The following CCDC60 variants were observed in gnomAD, a reference collection of about 807,000 sequenced individuals.
The protein encoded by CCDC60 is coiled-coil domain-containing protein 60.
CCDC60 carries 54 observed loss-of-function variants against 63.5 expected under a neutral mutation model. The ratio of observed to expected loss-of-function variants is 0.85; its 90% CI spans 0.68 to 1.07. CCDC60 has a LOEUF of 1.07. Among genes scored for constraint, CCDC60 ranks in the 50% least tolerant of loss-of-function variants. The pLI, the probability that CCDC60 is intolerant of heterozygous loss-of-function variation, is 0.00. For missense variants in CCDC60, 651 were observed against 684.3 expected (o/e 0.95, Z 0.54); for synonymous variants, 206 against 238.8 (o/e 0.86, Z 1.27).
At chr12:119,350,524 T>C (rs1010132529) in intron 1 of CCDC60, among the ~76,000 whole-genome samples, 2 of 152,128 alleles carry the variant, frequency 1.3e-5, no homozygotes, top group African/African-American at 4.8e-5. Context: ...TGAGCCACCA[T>C]GCCCAGCCTC....
intron 2 of CCDC60, among the ~76,000 whole-genome samples, chr12:119,449,108 G>C (rs1180392410): frequency 1.3e-5 from 2 of 152,092 alleles, no homozygotes; most frequent in African/African-American, 4.8e-5. Context: ...TGGCCTGAGG[G>C]TCTATGTGTA....
At position 119,472,010 on chromosome 12, in the gene CCDC60, G is replaced by A. The variant is rs770494429; in HGVS notation, c.187G>A (p.Val63Met). Reference sequence around the variant, plus strand: ...TGTCTCCAGCTTTTTGATCCAGTCTGTGAAGATAGGCCGTGGATATTTTGC... The same window carrying A: ...TGTCTCCAGCTTTTTGATCCAGTCTATGAAGATAGGCCGTGGATATTTTGC... ...LIRSRFLIQS[V>M]KIGRGYFAIL... The change falls in exon 3 of 14, where the codon GTG (valine) becomes ATG (methionine). Residue 63 changes from valine (V) to methionine (M), a missense_variant. Physicochemically the swap from Val to Met is conservative, Grantham distance 21 (BLOSUM62 1). Coordinates refer to ENST00000327554, the MANE Select transcript of CCDC60 (RefSeq NM_178499.5). 2 of 1,613,556 alleles carry A rather than the reference G, an allele frequency of 1.2e-6. No individual in the cohort carries two copies. The highest frequency in any genetic ancestry group is 2.2e-5 in the East Asian group (1 of 44,868).
chr12:119,483,475 G>A lies in CCDC60; in HGVS notation c.449+4274G>A, dbSNP rs540678271. 5.3e-5 allele frequency among the ~76,000 whole-genome samples: 8 copies of A among 152,306 alleles called. 1 individual carries two copies. In the East Asian group the frequency reaches 7.7e-4, roughly 15 times the overall value. ...CTCTAGGAATGAGAAGCAGCCCCTC[G>A]TTTTTCCCTCCTAGATGACTGGGCT... is the stretch of plus-strand genomic sequence containing the variant. On this transcript the variant is annotated intron_variant, in intron 4 of 13. Coordinates refer to ENST00000327554, the MANE Select transcript of CCDC60 (RefSeq NM_178499.5).
At chr12:119,518,895 C>T (rs745496554) in intron 8 of CCDC60, among the ~76,000 whole-genome samples, 21 of 152,188 alleles carry the variant, frequency 1.4e-4, no homozygotes, top group Admixed American at 5.2e-4. Context: ...TAGACCCTGG[C>T]TCTCATGAGA....
At chr12:119,352,505 A>G (rs756965961) in intron 1 of CCDC60, among the ~76,000 whole-genome samples, 1 of 152,230 alleles carries the variant, frequency 6.6e-6, no homozygotes, top group Admixed American at 6.5e-5. Flanking sequence ...AAGATGTTGC[A>G]CTGCTAATGG....
chr12:119,533,009 G>A (rs1952900040), intron 13 of CCDC60, among the ~76,000 whole-genome samples: 1 of 152,110 alleles, frequency 6.6e-6, no homozygotes, highest in Admixed American at 6.5e-5. Flanking sequence ...TTCCAAAATG[G>A]TTGAACTAAT....
intron 1 of CCDC60, among the ~76,000 whole-genome samples, chr12:119,357,147 T>C (rs1955726314): frequency 6.6e-6 from 1 of 152,188 alleles, no homozygotes; most frequent in South Asian, 2.1e-4. Flanking sequence ...TGTTGATGGG[T>C]ACAGGTGATA....
chr12:119,409,440 G>A (rs1956553710), intron 1 of CCDC60, among the ~76,000 whole-genome samples: 1 of 152,158 alleles, frequency 6.6e-6, no homozygotes, highest in Admixed American at 6.5e-5. Context: ...AACACCTTGG[G>A]AAGTTGCCTG....
chr12:119,445,291 G>A (rs1057234922), intron 2 of CCDC60, among the ~76,000 whole-genome samples: 3 of 151,606 alleles, frequency 2.0e-5, no homozygotes, highest in African/African-American at 7.3e-5. Context: ...AAAATTAGCC[G>A]GGTATGGTGG....
intron 2 of CCDC60, among the ~76,000 whole-genome samples, chr12:119,437,087 T>C (rs1321919795): frequency 6.6e-6 from 1 of 152,198 alleles, no homozygotes; most frequent in African/African-American, 2.4e-5. Context: ...TGTGGCACTT[T>C]TATCATCCCA....
At chr12:119,520,095 G>A in intron 8 of CCDC60, 26 bp from the exon 9 acceptor site, 1 of 1,607,324 alleles carries the variant, frequency 6.2e-7, no homozygotes, top group Non-Finnish European at 8.5e-7. Context: ...TCAGCGCCTT[G>A]TTAAAGGACT....
At chr12:119,346,774 CTCTTTCTTTCTTTCTTTCTTTCTTTCTT>C (rs61270891) in intron 1 of CCDC60, among the ~76,000 whole-genome samples, 35 of 125,394 alleles carry the variant, frequency 2.8e-4, no homozygotes, top group African/African-American at 6.8e-4. Context: ...ACTCATCTTT[CTCTTTCTTTCTTTCTTTCTTTCTTTCTT>C]TCTTTCTTTC....
chr12:119,406,842 G>A (rs1956502044), intron 1 of CCDC60, among the ~76,000 whole-genome samples: 1 of 152,070 alleles, frequency 6.6e-6, no homozygotes. Context: ...AATACACTAG[G>A]GTTTCTCTAC....
chr12:119,491,485 C>T (rs1024779372), intron 5 of CCDC60, among the ~76,000 whole-genome samples: 6 of 152,056 alleles, frequency 3.9e-5, no homozygotes, highest in African/African-American at 9.7e-5. Context: ...CCCGCCACCA[C>T]GCCCGGCTAA....
At chr12:119,444,617 C>T (rs150370256) in intron 2 of CCDC60, among the ~76,000 whole-genome samples, 8 of 152,294 alleles carry the variant, frequency 5.3e-5, no homozygotes, top group African/African-American at 1.9e-4. Flanking sequence ...GCGCTGTGTC[C>T]TCCACTGCCA....
Position 119,492,096 on chromosome 12 carries a change from C to T in CCDC60, c.557+3230C>T, listed in dbSNP as rs141957838. On this transcript the variant is annotated intron_variant, in intron 5 of 13. Coordinates refer to ENST00000327554, the MANE Select transcript of CCDC60 (RefSeq NM_178499.5). ...AATCAGAACCTGAACCAGACCTAGC[C>T]ACCTGAGGTAAAAAATGCAGTCCAG... is the stretch of plus-strand genomic sequence containing the variant. 2.2e-4 allele frequency among the ~76,000 whole-genome samples: 34 copies of T among 152,288 alleles called. No individual in the cohort carries two copies. In the Middle Eastern group the frequency reaches 0.01, roughly 46 times the overall value.
chr12:119,439,992 C>T (rs1416562169), intron 2 of CCDC60, among the ~76,000 whole-genome samples: 4 of 149,932 alleles, frequency 2.7e-5, no homozygotes, highest in Admixed American at 1.3e-4. Context: ...TGTTCTCACT[C>T]GTAAGAGGGA....
rs1186332585 is a variant in CCDC60, at chr12:119,420,824, G to T, written c.91-7859G>T. On this transcript the variant is annotated intron_variant, in intron 1 of 13. Coordinates refer to ENST00000327554, the MANE Select transcript of CCDC60 (RefSeq NM_178499.5). The surrounding 1 kb of genome is among the most constrained non-coding windows in gnomAD (Gnocchi z 4.1). ...TGTATCAAAACAACTCATGTATTCCGTAAATATATGCACTTATTATGTACC... is the reference window on the plus strand; with the variant it reads ...TGTATCAAAACAACTCATGTATTCCTTAAATATATGCACTTATTATGTACC... Among the ~76,000 whole-genome samples the T allele has an allele frequency of 6.6e-6, 1 of 151,938 alleles. No individual in the cohort carries two copies. The highest frequency in any genetic ancestry group is 6.6e-5 in the Admixed American group (1 of 15,238).
intron 6 of CCDC60, among the ~76,000 whole-genome samples, chr12:119,502,793 CT>C (rs1951887902): frequency 6.6e-6 from 1 of 152,166 alleles, no homozygotes; most frequent in Non-Finnish European, 1.5e-5. Flanking sequence ...CAAGGCCCCC[CT>C]GAGGTACCCT....
Sources: allele counts gnomAD v4.1 joint callset (sites outside exome capture counted in the v4.1 genomes callset), GRCh38; gene constraint gnomAD v4.1.1; non-coding constraint Gnocchi (gnomAD v3.1); transcripts MANE v1.5; gene names NCBI Gene and HGNC (gene_info 2026-07-23, HGNC 2026-07-21).